Variants in ADORA1 observed in about 807,000 individuals in gnomAD.
ADORA1 encodes the protein adenosine A1 receptor, also known as adenosine receptor A1.
A neutral mutation model predicts 19.9 loss-of-function variants in ADORA1; 6 were observed. That is an observed-to-expected ratio of 0.30 (90% confidence interval 0.17 to 0.59). The LOEUF is 0.59. Among genes scored for constraint, ADORA1 ranks in the 20% least tolerant of loss-of-function variants. The probability of loss-of-function intolerance (pLI) is 0.87; values close to 1 mark genes in which losing one functional copy is unlikely to be tolerated. For missense variants in ADORA1, 302 were observed against 439.2 expected (o/e 0.69, Z 2.79); for synonymous variants, 194 against 188.4 (o/e 1.03, Z -0.24).
At chr1:203,152,798 G>A (rs1267169956) in intron 3 of ADORA1, 4 of 152,250 alleles carry the variant, frequency 2.6e-5, no homozygotes, top group Admixed American at 2.6e-4. Context: ...GCCTCACGGG[G>A]ATGTGGGTGC....
rs1229031888 is a variant in ADORA1, at chr1:203,128,876, A to C, written c.35A>C (p.Tyr12Ser). The C allele has an allele frequency of 6.2e-7, 1 of 1,609,518 alleles. No homozygotes were observed. The highest frequency in any genetic ancestry group is 8.5e-7 in the Non-Finnish European group (1 of 1,178,820). Residue 12 changes from tyrosine (Y) to serine (S), a missense_variant, in exon 3 of 4, where the codon TAC becomes TCC. Physicochemically the swap from Tyr to Ser is moderately radical, Grantham distance 144. Transcript: ENST00000337894. The surrounding 1 kb of genome is among the most constrained non-coding windows in gnomAD (Gnocchi z 5.9). The stretch of plus-strand genomic sequence containing the variant: ...TCCATCTCAGCTTTCCAGGCCGCCT[A>C]CATCGGCATCGAGGTGCTCATCGCC... ...PPSISAFQAA[Y>S]IGIEVLIALV...
chr1:203,156,500 A>G (rs753957748), intron 3 of ADORA1, among the ~76,000 whole-genome samples: 3 of 152,154 alleles, frequency 2.0e-5, no homozygotes, highest in Non-Finnish European at 4.4e-5. Flanking sequence ...TGGTGATAGT[A>G]GAGTGGAGTT....
chr1:203,165,445 A>G lies in ADORA1; in HGVS notation c.526A>G (p.Ser176Gly), dbSNP rs1178137077. 1.4e-5 allele frequency: 22 copies of G among 1,613,778 alleles called. No individual in the cohort carries two copies. The highest frequency in any genetic ancestry group is 1.8e-5 in the Non-Finnish European group (21 of 1,179,824). Residue 176 changes from serine to glycine, a missense_variant, in exon 4 of 4, where the codon AGC (serine) becomes GGC (glycine). Transcript: ENST00000337894. This position sits in a 1 kb window ranked among gnomAD's most constrained non-coding sequence, Gnocchi z 5.9. The stretch of plus-strand genomic sequence containing the variant: ...CAAGTGCGAGTTCGAGAAGGTCATC[A>G]GCATGGAGTACATGGTCTACTTCAA... ...VIKCEFEKVI[S>G]MEYMVYFNFF...
At position 203,165,690 on chromosome 1, in the gene ADORA1, C is replaced by G; in HGVS notation, c.771C>G (p.Thr257=). The G allele has an allele frequency of 1.2e-6, 2 of 1,610,910 alleles. No individual in the cohort carries two copies. The highest frequency in any genetic ancestry group is 1.7e-6 in the Non-Finnish European group (2 of 1,178,004). Reference sequence around the variant, plus strand: ...CTTTGCACATCCTCAACTGCATCACCCTCTTCTGCCCGTCCTGCCACAAGC... The same window carrying G: ...CTTTGCACATCCTCAACTGCATCACGCTCTTCTGCCCGTCCTGCCACAAGC... The part of the protein sequence containing the change: ...WLPLHILNCI[T]LFCPSCHKPS... Residue 257 remains threonine (T), a synonymous_variant, in exon 4 of 4, where the codon ACC becomes ACG. Coordinates refer to ENST00000337894, the MANE Select transcript of ADORA1 (RefSeq NM_000674.3). The surrounding 1 kb of genome is among the most constrained non-coding windows in gnomAD (Gnocchi z 5.9).
chr1:203,131,801 C>T (rs1654347962), intron 3 of ADORA1, among the ~76,000 whole-genome samples: 1 of 152,212 alleles, frequency 6.6e-6, no homozygotes, highest in Non-Finnish European at 1.5e-5. Flanking sequence ...GCTTTGCTCC[C>T]CTCTACGTGG....
rs370140875 is a variant in ADORA1 at position 203,133,217 on chromosome 1, G to A, written c.341+4035G>A. On this transcript the variant is annotated intron_variant, in intron 3 of 3. Coordinates refer to ENST00000337894, the MANE Select transcript of ADORA1 (RefSeq NM_000674.3). Reference sequence around the variant, plus strand: ...CAACCTCCACCTCCCAGGTTCAAGCGATTCTCCTGCCTCAGCCTCCTGAGT... The same window carrying A: ...CAACCTCCACCTCCCAGGTTCAAGCAATTCTCCTGCCTCAGCCTCCTGAGT... Among the ~76,000 whole-genome samples the A allele has an allele frequency of 2.1e-3, 318 of 151,722 alleles. 2 individuals are homozygous for A. The highest frequency in any genetic ancestry group is 7.3e-3 in the African/African-American group (301 of 41,348).
chr1:203,137,182 C>T (rs1654538415), intron 3 of ADORA1, among the ~76,000 whole-genome samples: 2 of 152,120 alleles, frequency 1.3e-5, no homozygotes, highest in Non-Finnish European at 2.9e-5. Context: ...TGACCAAAAC[C>T]CTGGAGGTGA....
chr1:203,137,457 A>G (rs1001230615), intron 3 of ADORA1, among the ~76,000 whole-genome samples: 1 of 152,202 alleles, frequency 6.6e-6, no homozygotes, highest in Admixed American at 6.5e-5. Context: ...ATGTGACATG[A>G]TCTGACTTAG....
intron 3 of ADORA1, among the ~76,000 whole-genome samples, chr1:203,133,145 A>G (rs6427991): frequency 0.98 from 148,077 of 150,474 alleles, 72,993 homozygotes; most frequent in African/African-American, 1. Flanking sequence ...ATGGAGTCTC[A>G]TTCTGTCGCC....
intron 3 of ADORA1, among the ~76,000 whole-genome samples, chr1:203,137,652 C>A (rs1654552884): frequency 6.6e-6 from 1 of 152,076 alleles, no homozygotes; most frequent in Admixed American, 6.6e-5. Context: ...AAATTTTTAA[C>A]TTTTAATTTA....
Position 203,128,429 on chromosome 1 carries a change from G to C in ADORA1, c.-61G>C, listed in dbSNP as rs1265278663. The C allele has an allele frequency of 3.9e-6, 5 of 1,294,184 alleles. No homozygotes were observed. The highest frequency in any genetic ancestry group is 5.0e-6 in the Non-Finnish European group (5 of 992,324). 80.2% of individuals were successfully genotyped at this position (1,294,184 alleles called of 1,614,324 possible). On this transcript the variant is annotated 5_prime_UTR_variant, in exon 2 of 4. Transcript: ENST00000337894. The surrounding 1 kb of genome is among the most constrained non-coding windows in gnomAD (Gnocchi z 5.9). ...GGGACCCCTGCCGGCCAGCAGGCAG[G>C]ATGGTGAGCTCCCTGCATCCTGTTC...
Position 203,165,255 on chromosome 1 carries a change from C to G in ADORA1, c.342-6C>G. 6.3e-7 allele frequency: 1 copy of G among 1,591,830 alleles called. No homozygotes were observed. Among genetic ancestry groups the G allele is most frequent in the Non-Finnish European group, 8.6e-7 (1 of 1,168,818 alleles). On this transcript the variant is annotated splice_polypyrimidine_tract_variant and splice_region_variant and intron_variant, in intron 3 of 3. Transcript: ENST00000337894. The surrounding 1 kb of genome is among the most constrained non-coding windows in gnomAD (Gnocchi z 5.9). ...GATCCTCACACTCTGCCCTCCTCTCCCCCAGGTACAAGATGGTGGTGACCC... is the reference window on the plus strand; with the variant it reads ...GATCCTCACACTCTGCCCTCCTCTCGCCCAGGTACAAGATGGTGGTGACCC...
Position 203,165,319 on chromosome 1 carries a change from C to G in ADORA1, c.400C>G (p.Leu134Val). The G allele has an allele frequency of 6.4e-7, 1 of 1,570,136 alleles. No homozygotes were observed. The highest frequency in any genetic ancestry group is 8.6e-7 in the Non-Finnish European group (1 of 1,157,966). ...AAVAIAGCWI[L>V]SFVVGLTPMF... is the part of the protein sequence containing the mutation. ...GGTGGCCATAGCCGGCTGCTGGATC[C>G]TCTCCTTCGTGGTGGGACTGACCCC... Residue 134 changes from leucine (L) to valine (V), a missense_variant, in exon 4 of 4, where the codon CTC (leucine) becomes GTC (valine). Transcript: ENST00000337894. This position sits in a 1 kb window ranked among gnomAD's most constrained non-coding sequence, Gnocchi z 5.9.
intron 3 of ADORA1, among the ~76,000 whole-genome samples, chr1:203,162,954 A>G (rs1040167586): frequency 2.0e-5 from 3 of 151,982 alleles, no homozygotes; most frequent in Admixed American, 2.0e-4. Context: ...ATCTGGCCCC[A>G]CTCTCCGCTG....
chr1:203,131,086 T>A (rs184769038), intron 3 of ADORA1, among the ~76,000 whole-genome samples: 7 of 152,376 alleles, frequency 4.6e-5, no homozygotes, highest in Non-Finnish European at 5.9e-5. Flanking sequence ...TGAACTCATA[T>A]ATGCGAAGCA....
intron 3 of ADORA1, among the ~76,000 whole-genome samples, chr1:203,135,883 G>A (rs937186622): frequency 2.6e-5 from 4 of 151,978 alleles, no homozygotes; most frequent in East Asian, 1.9e-4. Flanking sequence ...CAAATCCCCC[G>A]GGGGCATTTG....
At chr1:203,139,622 G>A (rs981026189) in intron 3 of ADORA1, among the ~76,000 whole-genome samples, 2 of 152,234 alleles carry the variant, frequency 1.3e-5, no homozygotes, top group Non-Finnish European at 2.9e-5. Flanking sequence ...GCATGGAAGA[G>A]GCAGATAATT....
chr1:203,139,921 G>A (rs1473704554), intron 3 of ADORA1, among the ~76,000 whole-genome samples: 1 of 152,204 alleles, frequency 6.6e-6, no homozygotes, highest in Admixed American at 6.5e-5. Flanking sequence ...TGTGGTTCAT[G>A]GTCAAGAGTT....
At chr1:203,154,016 C>CGCAGGATG (rs1558135262) in intron 3 of ADORA1, among the ~76,000 whole-genome samples, 1 of 152,108 alleles carries the variant, frequency 6.6e-6, no homozygotes, top group African/African-American at 2.4e-5. Context: ...CTATCCAAAC[C>CGCAGGATG]GCAGGATGGT....
Sources: allele counts gnomAD v4.1 joint callset (sites outside exome capture counted in the v4.1 genomes callset), GRCh38; gene constraint gnomAD v4.1.1; non-coding constraint Gnocchi (gnomAD v3.1); transcripts MANE v1.5; gene names NCBI Gene and HGNC (gene_info 2026-07-23, HGNC 2026-07-21).